The following PLEKHG1 variants were observed in gnomAD, a reference collection of about 807,000 sequenced individuals.
The protein encoded by PLEKHG1 is pleckstrin homology domain-containing family G member 1.
PLEKHG1 carries 44 observed loss-of-function variants against 100.8 expected under a neutral mutation model. The observed-to-expected ratio is 0.44, with a 90% CI of 0.34 to 0.56. PLEKHG1 has a LOEUF of 0.56. PLEKHG1 is among the 20% of genes least tolerant of loss of function. The pLI is 0.01. For synonymous variants in PLEKHG1, 640 were observed against 662.5 expected, an observed-to-expected ratio of 0.97 and a Z score of 0.52; for missense variants, 1,545 against 1,720.9, an observed-to-expected ratio of 0.90 and a Z score of 1.81.
intron 1 of PLEKHG1, among the ~76,000 whole-genome samples, chr6:150,603,826 A>T (rs891491683): frequency 1.2e-4 from 18 of 152,290 alleles, no homozygotes; most frequent in Admixed American, 9.2e-4. Flanking sequence ...CAAATCCATA[A>T]CTCTCCTCTT....
At chr6:150,756,584 C>A (rs1263857660) in intron 2 of PLEKHG1, among the ~76,000 whole-genome samples, 1 of 152,108 alleles carries the variant, frequency 6.6e-6, no homozygotes, top group Non-Finnish European at 1.5e-5. Flanking sequence ...TGCATTGCAT[C>A]GCGACTTTCA....
At chr6:150,682,450 A>C (rs1354400203) in intron 3 of PLEKHG1, among the ~76,000 whole-genome samples, 3 of 151,944 alleles carry the variant, frequency 2.0e-5, no homozygotes, top group Non-Finnish European at 4.4e-5. Flanking sequence ...GAGCCAGTCC[A>C]CCAGACATGG....
chr6:150,744,105 C>T (rs1783023261), intron 2 of PLEKHG1, among the ~76,000 whole-genome samples: 1 of 152,108 alleles, frequency 6.6e-6, no homozygotes, highest in Non-Finnish European at 1.5e-5. Context: ...GATGGAATCT[C>T]GCTCTGTCGC....
exon 2 of PLEKHG1, chr6:150,733,939 A>C (rs1782426427): frequency 6.2e-7 from 1 of 1,614,174 alleles, no homozygotes; most frequent in Non-Finnish European, 8.5e-7. Flanking sequence ...GCGAAAGGCC[A>C]CCCAGAGCGC....
rs567896166 is a variant in PLEKHG1, at chr6:150,738,342, A to G, written c.411+4250A>G. 3.3e-5 allele frequency among the ~76,000 whole-genome samples: 5 copies of G among 152,274 alleles called. No homozygotes were observed. In the East Asian group the frequency reaches 7.7e-4, roughly 23 times the overall value. ...GATTTCATTTTTACGACTTGTGAACAGCAACATTTTTGTGTATACACCGAG... is the reference window on the plus strand; with the variant it reads ...GATTTCATTTTTACGACTTGTGAACGGCAACATTTTTGTGTATACACCGAG... On this transcript the variant is annotated intron_variant, in intron 2 of 15. Coordinates refer to ENST00000358517, the Ensembl canonical transcript of PLEKHG1.
intron 2 of PLEKHG1, among the ~76,000 whole-genome samples, chr6:150,755,036 C>T (rs575714550): frequency 6.6e-6 from 1 of 151,514 alleles, no homozygotes; most frequent in Non-Finnish European, 1.5e-5. Context: ...AGTCCTGTGG[C>T]GTGATCATAC....
At chr6:150,689,879 C>CAGA (rs1172876333) in intron 3 of PLEKHG1, among the ~76,000 whole-genome samples, 4 of 148,350 alleles carry the variant, frequency 2.7e-5, no homozygotes, top group Admixed American at 1.3e-4. Flanking sequence ...AAAAGAAAAA[C>CAGA]AGAAGAAGAA....
rs115423924 is a variant in PLEKHG1, at chr6:150,770,025, A to G, written c.512+1287A>G. Among the ~76,000 whole-genome samples the G allele has an allele frequency of 8.5e-3, 1,292 of 152,340 alleles. 20 individuals are homozygous for G. The highest frequency in any genetic ancestry group is 0.03 in the African/African-American group (1,232 of 41,574). Reference sequence around the variant, plus strand: ...GGCATCCAAACTTGTATTGAAGGAAAGAATGGAAATAATAGGAAAATCTCC... The same window carrying G: ...GGCATCCAAACTTGTATTGAAGGAAGGAATGGAAATAATAGGAAAATCTCC... On this transcript the variant is annotated intron_variant, in intron 3 of 15. Coordinates refer to ENST00000358517, the Ensembl canonical transcript of PLEKHG1.
At chr6:150,628,831 C>G (rs1282341741) in intron 1 of PLEKHG1, among the ~76,000 whole-genome samples, 1 of 152,158 alleles carries the variant, frequency 6.6e-6, no homozygotes. Flanking sequence ...TAGAGAAGCA[C>G]TACTCCAGGT....
chr6:150,774,879 TAAAA>T (rs918316039), intron 3 of PLEKHG1, among the ~76,000 whole-genome samples: 4 of 152,094 alleles, frequency 2.6e-5, no homozygotes, highest in Admixed American at 6.5e-5. Context: ...TTTTTAAAAT[TAAAA>T]AAAATTTTTT....
chr6:150,788,940 C>A (rs1460326461), intron 4 of PLEKHG1, among the ~76,000 whole-genome samples: 2 of 152,166 alleles, frequency 1.3e-5, no homozygotes, highest in Admixed American at 6.5e-5. Flanking sequence ...AAATTATCCT[C>A]AAGGAAGTGT....
At chr6:150,666,016 C>T (rs983009230) in intron 3 of PLEKHG1, among the ~76,000 whole-genome samples, 1 of 151,602 alleles carries the variant, frequency 6.6e-6, no homozygotes, top group Non-Finnish European at 1.5e-5. Flanking sequence ...GGTCTGATGT[C>T]CCCCTCATGT....
chr6:150,761,547 G>A (rs537916315), intron 2 of PLEKHG1, among the ~76,000 whole-genome samples: 14 of 152,110 alleles, frequency 9.2e-5, no homozygotes, highest in African/African-American at 2.6e-4. Context: ...CACCTGTCTC[G>A]GCCTCCCAAA....
chr6:150,608,643 G>C (rs1026389309), intron 1 of PLEKHG1, among the ~76,000 whole-genome samples: 1 of 152,110 alleles, frequency 6.6e-6, no homozygotes, highest in Non-Finnish European at 1.5e-5. Context: ...GCATAATACA[G>C]ACAGCAATTG....
intron 3 of PLEKHG1, among the ~76,000 whole-genome samples, chr6:150,713,487 C>A (rs969830953): frequency 5.9e-5 from 9 of 152,158 alleles, no homozygotes; most frequent in African/African-American, 2.2e-4. Flanking sequence ...TGAGATAAAT[C>A]ATTTGCTCAC....
chr6:150,799,881 G>A lies in PLEKHG1; in HGVS notation c.630-838G>A, dbSNP rs1039131246. On this transcript the variant is annotated intron_variant, in intron 5 of 15. Coordinates refer to ENST00000358517, the Ensembl canonical transcript of PLEKHG1. The stretch of plus-strand genomic sequence containing the variant: ...CTGCTTCCTTCTACATTTTGCGAAC[G>A]AAAGATTTTTAATTTACACGCGTGT... 8.5e-5 allele frequency among the ~76,000 whole-genome samples: 13 copies of A among 152,278 alleles called. No homozygotes were observed. In the East Asian group the frequency reaches 1.5e-3, roughly 18 times the overall value.
intron 10 of PLEKHG1, among the ~76,000 whole-genome samples, chr6:150,810,107 G>A (rs895664406): frequency 6.6e-6 from 1 of 151,882 alleles, no homozygotes; most frequent in Non-Finnish European, 1.5e-5. Flanking sequence ...ACCAGCCTGG[G>A]CAACAAAGTG....
intron 2 of PLEKHG1, among the ~76,000 whole-genome samples, chr6:150,768,330 C>T (rs1362919448): frequency 6.6e-6 from 1 of 152,154 alleles, no homozygotes; most frequent in Non-Finnish European, 1.5e-5. Flanking sequence ...AAAAAGCAGA[C>T]GATGTGGTTA....
chr6:150,617,102 G>A (rs1231968746), intron 1 of PLEKHG1, among the ~76,000 whole-genome samples: 1 of 152,142 alleles, frequency 6.6e-6, no homozygotes, highest in Admixed American at 6.6e-5. Context: ...TTCTTGCATT[G>A]CATATTCCCA....
Sources: allele counts gnomAD v4.1 joint callset (sites outside exome capture counted in the v4.1 genomes callset), GRCh38; gene constraint gnomAD v4.1.1; transcripts MANE v1.5; gene names NCBI Gene and HGNC (gene_info 2026-07-23, HGNC 2026-07-21).